Variants in S100Z observed in about 807,000 individuals in gnomAD.
S100Z encodes S100 calcium binding protein Z.
Under a neutral mutation model 8.5 loss-of-function variants are expected in S100Z, and 11 were observed. The observed-to-expected ratio is 1.30, with a 90% CI of 0.82 to 2.15. The LOEUF is 2.15. Ranked by LOEUF, S100Z falls within the 30% of genes most tolerant of loss-of-function variation. S100Z has a pLI of 0.00. For missense variants in S100Z, 126 were observed against 117.9 expected (o/e 1.07, Z -0.32); for synonymous variants, 34 against 43.8 (o/e 0.78, Z 0.89).
intron 4 of S100Z, among the ~76,000 whole-genome samples, chr5:76,897,249 G>A (rs907651227): frequency 2.5e-4 from 38 of 151,824 alleles, no homozygotes; most frequent in African/African-American, 7.7e-4. Context: ...TCAGGAGATC[G>A]AGACCATGGT....
intron 1 of S100Z, among the ~76,000 whole-genome samples, chr5:76,854,413 G>A (rs903110653): frequency 2.0e-5 from 3 of 152,294 alleles, no homozygotes; most frequent in Non-Finnish European, 4.4e-5. Flanking sequence ...AACTTATTGG[G>A]AACTGGAGCA....
chr5:76,935,963 G>A, the S100Z span, among the ~76,000 whole-genome samples: 1 of 152,082 alleles, frequency 6.6e-6, no homozygotes, highest in Non-Finnish European at 1.5e-5. Context: ...TTTTAGTAGA[G>A]ATGGGGTTTC....
chr5:76,898,600 C>T (rs993672985), intron 4 of S100Z, among the ~76,000 whole-genome samples: 11 of 152,082 alleles, frequency 7.2e-5, no homozygotes, highest in Admixed American at 3.3e-4. Context: ...CATGATGTAT[C>T]GCATTGATTG....
At chr5:76,850,812 T>C (rs1418683000) in intron 1 of S100Z, among the ~76,000 whole-genome samples, 4 of 151,858 alleles carry the variant, frequency 2.6e-5, no homozygotes, top group Non-Finnish European at 4.4e-5. Context: ...AGAAATAAAG[T>C]TTTTTTTGTT....
chr5:76,921,486 T>G lies in S100Z; in HGVS notation c.*772T>G, dbSNP rs1745034113. On this transcript the variant is annotated 3_prime_UTR_variant, in exon 5 of 5. Transcript: ENST00000317593. ...GCACGATTTTCTATTCTTCTTTCCT[T>G]CCTTTCTTTGTGAGAGTTAACGATT... 1 of 152,210 alleles carries G rather than the reference T, an allele frequency of 6.6e-6. No homozygotes were observed. The highest frequency in any genetic ancestry group is 1.5e-5 in the Non-Finnish European group (1 of 68,036). 9.4% of individuals were successfully genotyped at this position (152,210 alleles called of 1,614,324 possible).
chr5:76,864,386 A>ATTTTTTTTTTT (rs56206322), intron 1 of S100Z, among the ~76,000 whole-genome samples: 15 of 72,174 alleles, frequency 2.1e-4, no homozygotes, highest in Non-Finnish European at 2.8e-4. Flanking sequence ...TGCATACTAT[A>ATTTTTTTTTTT]TTTTTTTTTT....
At chr5:76,882,187 T>C (rs1006810537) in intron 4 of S100Z, among the ~76,000 whole-genome samples, 2 of 152,096 alleles carry the variant, frequency 1.3e-5, no homozygotes, top group African/African-American at 2.4e-5. Context: ...ATGAGAACTA[T>C]AGAGAGTGAG....
chr5:76,934,532 TA>T, the S100Z span, among the ~76,000 whole-genome samples: 2 of 152,216 alleles, frequency 1.3e-5, no homozygotes, highest in Admixed American at 1.3e-4. Flanking sequence ...GCAACAGTAT[TA>T]AGAGGTGTGG....
chr5:76,942,257 G>A, the S100Z span, among the ~76,000 whole-genome samples: 5 of 151,720 alleles, frequency 3.3e-5, no homozygotes, highest in African/African-American at 1.2e-4. Flanking sequence ...AACTATAGGC[G>A]CCCGCCACCA....
chr5:76,923,681 A>T (rs976206927), downstream of S100Z, among the ~76,000 whole-genome samples: 2 of 152,196 alleles, frequency 1.3e-5, no homozygotes, highest in Admixed American at 1.3e-4. Context: ...AGCCCAATCC[A>T]CAACACCACC....
At chr5:76,908,808 A>G (rs1389231801) in intron 4 of S100Z, among the ~76,000 whole-genome samples, 1 of 152,182 alleles carries the variant, frequency 6.6e-6, no homozygotes, top group Non-Finnish European at 1.5e-5. Context: ...TAATATCTTT[A>G]TAGGACAGGC....
At chr5:76,942,205 G>A in the S100Z span, among the ~76,000 whole-genome samples, 2 of 151,818 alleles carry the variant, frequency 1.3e-5, no homozygotes, top group Non-Finnish European at 1.5e-5. Context: ...ACCGCTTCCT[G>A]GGTTCAAGCA....
intron 4 of S100Z, among the ~76,000 whole-genome samples, chr5:76,888,976 A>G (rs1423397261): frequency 1.3e-5 from 2 of 152,172 alleles, no homozygotes; most frequent in East Asian, 3.9e-4. Flanking sequence ...CCATGTGTGT[A>G]GAACATTAAG....
the S100Z span, among the ~76,000 whole-genome samples, chr5:76,947,887 G>GT: frequency 0.077 from 11,790 of 152,196 alleles, 733 homozygotes; most frequent in African/African-American, 0.17. Flanking sequence ...AGACTTAAGT[G>GT]TAAGACCTGA....
the S100Z span, among the ~76,000 whole-genome samples, chr5:76,931,468 T>G: frequency 6.6e-6 from 1 of 152,150 alleles, no homozygotes; most frequent in Non-Finnish European, 1.5e-5. Context: ...CCCACACTCA[T>G]GACCTCATCT....
chr5:76,941,645 T>C, the S100Z span, among the ~76,000 whole-genome samples: 2 of 152,326 alleles, frequency 1.3e-5, no homozygotes, highest in East Asian at 1.9e-4. Context: ...TCACTGTTGA[T>C]ATTGACTGGG....
At chr5:76,862,527 G>A (rs550491526) in intron 1 of S100Z, among the ~76,000 whole-genome samples, 34 of 151,916 alleles carry the variant, frequency 2.2e-4, no homozygotes, top group Admixed American at 1.4e-3. Flanking sequence ...CACCAGGTGC[G>A]GTGGCTCACG....
At chr5:76,858,917 CT>C (rs1446399379) in intron 1 of S100Z, among the ~76,000 whole-genome samples, 1 of 152,082 alleles carries the variant, frequency 6.6e-6, no homozygotes, top group African/African-American at 2.4e-5. Context: ...TTGAGACCAG[CT>C]TGGCCAACAT....
chr5:76,926,459 G>A (rs1374786478), downstream of S100Z, among the ~76,000 whole-genome samples: 1 of 152,180 alleles, frequency 6.6e-6, no homozygotes, highest in Non-Finnish European at 1.5e-5. Flanking sequence ...TGGGAGCTGG[G>A]AGGGCTGTGG....
Sources: allele counts gnomAD v4.1 joint callset (sites outside exome capture counted in the v4.1 genomes callset), GRCh38; gene constraint gnomAD v4.1.1; transcripts MANE v1.5; gene names NCBI Gene and HGNC (gene_info 2026-07-23, HGNC 2026-07-21).